Variants in UVRAG observed in about 807,000 individuals in gnomAD.
UVRAG encodes UV radiation resistance-associated gene protein.
UVRAG carries 19 observed loss-of-function variants against 78.0 expected under a neutral mutation model. The ratio of observed to expected loss-of-function variants is 0.24; its 90% CI spans 0.17 to 0.36. UVRAG has a LOEUF of 0.36. Ranked by LOEUF, UVRAG falls within the 10% of genes least tolerant of loss-of-function variation. The probability of loss-of-function intolerance (pLI) is 1.00; values close to 1 mark genes in which losing one functional copy is unlikely to be tolerated. For missense variants in UVRAG, 740 were observed against 853.8 expected (o/e 0.87, Z 1.66); for synonymous variants, 323 against 324.6 (o/e 1.00, Z 0.05).
intron 3 of UVRAG, among the ~76,000 whole-genome samples, chr11:75,865,760 G>A (rs1264764329): frequency 6.6e-6 from 1 of 151,922 alleles, no homozygotes; most frequent in Non-Finnish European, 1.5e-5. Context: ...GACTACAGGT[G>A]CCCGCCAGCA....
intron 1 of UVRAG, 109 bp downstream of exon 1, chr11:75,815,633 C>T (rs1312832086): frequency 4.8e-6 from 3 of 623,168 alleles, no homozygotes; most frequent in Non-Finnish European, 4.6e-6. Flanking sequence ...AGCAGGGACC[C>T]GGAGGGCTCG....
chr11:76,078,161 A>G (rs941934441), intron 13 of UVRAG, among the ~76,000 whole-genome samples: 16 of 152,242 alleles, frequency 1.1e-4, no homozygotes, highest in African/African-American at 3.9e-4. Flanking sequence ...AGTTGGCATC[A>G]AAGTGACCGG....
intron 2 of UVRAG, among the ~76,000 whole-genome samples, chr11:75,861,388 G>A (rs903944359): frequency 6.6e-6 from 1 of 152,220 alleles, no homozygotes; most frequent in African/African-American, 2.4e-5. Context: ...CATTCGAGAT[G>A]TTTGAGAAAA....
At chr11:75,938,140 T>C (rs1162016673) in intron 6 of UVRAG, among the ~76,000 whole-genome samples, 4 of 152,138 alleles carry the variant, frequency 2.6e-5, no homozygotes, top group African/African-American at 9.7e-5. Flanking sequence ...GATTTCCTTT[T>C]TTTTTTGCAG....
intron 3 of UVRAG, among the ~76,000 whole-genome samples, chr11:75,878,848 A>G (rs913768007): frequency 3.0e-5 from 4 of 135,540 alleles, no homozygotes; most frequent in Non-Finnish European, 4.7e-5. Flanking sequence ...GAGGGAGACC[A>G]TGGAAAGAGA....
chr11:75,993,020 G>C (rs1949643213), intron 8 of UVRAG, among the ~76,000 whole-genome samples: 1 of 152,120 alleles, frequency 6.6e-6, no homozygotes, highest in Admixed American at 6.5e-5. Context: ...AGCTCAGTTA[G>C]GATATAAAGT....
intron 6 of UVRAG, among the ~76,000 whole-genome samples, chr11:75,928,848 A>G (rs1363009152): frequency 6.9e-6 from 1 of 144,390 alleles, no homozygotes; most frequent in Non-Finnish European, 1.5e-5. Context: ...AGGCTGAGGC[A>G]GGAGAATGAC....
chr11:75,924,579 G>A (rs1395485740), intron 6 of UVRAG, among the ~76,000 whole-genome samples: 1 of 151,824 alleles, frequency 6.6e-6, no homozygotes, highest in Non-Finnish European at 1.5e-5. Context: ...TAGTAGAGAA[G>A]GGGTTTCACC....
intron 1 of UVRAG, among the ~76,000 whole-genome samples, chr11:75,845,166 T>C (rs1201832343): frequency 6.6e-6 from 1 of 152,238 alleles, no homozygotes; most frequent in Non-Finnish European, 1.5e-5. Context: ...TGTTAGTGAA[T>C]GTTTTTAACC....
At chr11:75,868,955 A>T (rs1946590227) in intron 3 of UVRAG, among the ~76,000 whole-genome samples, 2 of 152,342 alleles carry the variant, frequency 1.3e-5, no homozygotes, top group African/African-American at 4.8e-5. Flanking sequence ...AATGAAGAAG[A>T]GGTATCAATT....
intron 6 of UVRAG, among the ~76,000 whole-genome samples, chr11:75,922,857 C>T (rs1361046715): frequency 6.6e-6 from 1 of 151,092 alleles, no homozygotes; most frequent in Non-Finnish European, 1.5e-5. Flanking sequence ...CACTTGAACC[C>T]AGGCAGCGGA....
chr11:76,105,457 C>T (rs980255619), intron 13 of UVRAG, among the ~76,000 whole-genome samples: 3 of 151,972 alleles, frequency 2.0e-5, no homozygotes, highest in African/African-American at 7.2e-5. Context: ...CAAATTAAAA[C>T]CACAATGAGG....
intron 12 of UVRAG, among the ~76,000 whole-genome samples, chr11:76,033,260 G>A (rs1225530503): frequency 6.6e-6 from 1 of 152,098 alleles, no homozygotes; most frequent in Non-Finnish European, 1.5e-5. Flanking sequence ...CTTTTGGAAA[G>A]CAAAAATAAT....
chr11:75,856,472 A>T (rs1478688519), intron 2 of UVRAG, among the ~76,000 whole-genome samples: 1 of 151,940 alleles, frequency 6.6e-6, no homozygotes, highest in African/African-American at 2.4e-5. Flanking sequence ...TTTTTATGAG[A>T]CAGAGTCTGA....
intron 14 of UVRAG, among the ~76,000 whole-genome samples, chr11:76,121,463 G>A (rs1952274997): frequency 1.3e-5 from 2 of 152,260 alleles, no homozygotes; most frequent in Non-Finnish European, 2.9e-5. Flanking sequence ...TGCCTGCATA[G>A]TGATCTGAGA....
intron 12 of UVRAG, among the ~76,000 whole-genome samples, chr11:76,033,600 G>A (rs1325531518): frequency 1.3e-5 from 2 of 151,998 alleles, no homozygotes; most frequent in African/African-American, 4.8e-5. Flanking sequence ...TTAACTAAAT[G>A]TCAGGATCCA....
chr11:75,931,750 G>A (rs1422312125), intron 6 of UVRAG, among the ~76,000 whole-genome samples: 3 of 152,108 alleles, frequency 2.0e-5, no homozygotes, highest in Non-Finnish European at 1.5e-5. Context: ...AATGAAAGAT[G>A]AGGAATTTAC....
At chr11:75,863,733 A>C (rs1450840457) in intron 3 of UVRAG, among the ~76,000 whole-genome samples, 1 of 152,192 alleles carries the variant, frequency 6.6e-6, no homozygotes, top group African/African-American at 2.4e-5. Context: ...AATACTGTAG[A>C]ATGGATTCAA....
chr11:76,130,053 A>G (rs1952484929), intron 14 of UVRAG, among the ~76,000 whole-genome samples: 1 of 151,606 alleles, frequency 6.6e-6, no homozygotes, highest in Admixed American at 6.6e-5. Context: ...CTACCATAGA[A>G]CTCTTCACTC....
Sources: allele counts gnomAD v4.1 joint callset (sites outside exome capture counted in the v4.1 genomes callset), GRCh38; gene constraint gnomAD v4.1.1; transcripts MANE v1.5; gene names NCBI Gene and HGNC (gene_info 2026-07-23, HGNC 2026-07-21).